KIAA1549L: variants seen among roughly 807,000 people sequenced by gnomAD.
KIAA1549L encodes the protein KIAA1549 like.
A neutral mutation model predicts 160.7 loss-of-function variants in KIAA1549L; 88 were observed. That is an observed-to-expected ratio of 0.55 (90% CI 0.46 to 0.65). The LOEUF (loss-of-function observed/expected upper bound fraction) is 0.65. Among genes scored for constraint, KIAA1549L ranks in the 30% least tolerant of loss-of-function variants. The probability of loss-of-function intolerance (pLI) is 0.00; values close to 1 mark genes in which losing one functional copy is unlikely to be tolerated. For missense variants in KIAA1549L, 2,258 were observed against 2,437.5 expected (o/e 0.93, Z 1.55); for synonymous variants, 950 against 976.7 (o/e 0.97, Z 0.51).
chr11:33,436,727 C>A (rs1168540547), intron 1 of KIAA1549L, among the ~76,000 whole-genome samples: 1 of 152,160 alleles, frequency 6.6e-6, no homozygotes, highest in African/African-American at 2.4e-5. Flanking sequence ...GAGGCTGAAC[C>A]CAAGCAAGCG....
At chr11:33,541,498 C>T (rs919904000) in intron 1 of KIAA1549L, among the ~76,000 whole-genome samples, 1 of 152,198 alleles carries the variant, frequency 6.6e-6, no homozygotes, top group African/African-American at 2.4e-5. Flanking sequence ...TTCAGCTTTG[C>T]AAGTTTCACA....
intron 1 of KIAA1549L, among the ~76,000 whole-genome samples, chr11:33,536,792 A>T (rs1056612682): frequency 6.6e-6 from 1 of 152,242 alleles, no homozygotes; most frequent in Non-Finnish European, 1.5e-5. Context: ...TCCATCTCCC[A>T]TGCAGGGCTC....
intron 1 of KIAA1549L, among the ~76,000 whole-genome samples, chr11:33,538,107 C>T (rs960232838): frequency 1.1e-4 from 17 of 152,204 alleles, no homozygotes; most frequent in African/African-American, 3.4e-4. Flanking sequence ...AAGGCACCTT[C>T]TTCACAAGGT....
At position 33,660,962 on chromosome 11, in the gene KIAA1549L, C is replaced by T. The variant is rs1266793924; in HGVS notation, c.6107C>T (p.Ala2036Val). 5.6e-6 allele frequency: 9 copies of T among 1,612,582 alleles called. No individual in the cohort carries two copies. The South Asian group carries it at 8.8e-5, about 16-fold the overall frequency. The change falls in exon 20 of 21, where the codon GCC (alanine) becomes GTC (valine). Residue 2036 changes from alanine (A) to valine (V), a missense_variant. Physicochemically the swap from Ala to Val is moderately conservative, Grantham distance 64 (BLOSUM62 0). Transcript: ENST00000658780. The stretch of plus-strand genomic sequence containing the variant: ...CCTCCCTCATCCTATAGGAACCAGG[C>T]CTGGATGTCCTATGCAGGAGAGAAT... ...PTPPSSYRNQ[A>V]WMSYAGENEL...
chr11:33,562,358 G>T (rs1854891078), intron 8 of KIAA1549L, among the ~76,000 whole-genome samples: 1 of 152,212 alleles, frequency 6.6e-6, no homozygotes, highest in African/African-American at 2.4e-5. Flanking sequence ...AAAGTGGCCA[G>T]CCTAGCCAGG....
chr11:33,409,357 CAAT>C (rs1038411819), intron 1 of KIAA1549L, among the ~76,000 whole-genome samples: 3 of 152,116 alleles, frequency 2.0e-5, no homozygotes, highest in African/African-American at 7.2e-5. Flanking sequence ...TTCTAGAAAA[CAAT>C]AACAGATGAC....
intron 1 of KIAA1549L, among the ~76,000 whole-genome samples, chr11:33,515,583 C>G (rs567173075): frequency 1.3e-5 from 2 of 152,212 alleles, no homozygotes; most frequent in African/African-American, 4.8e-5. Flanking sequence ...AGCAGGAAAT[C>G]GTCAGCAAGG....
At chr11:33,551,945 G>A (rs1373672727) in intron 5 of KIAA1549L, among the ~76,000 whole-genome samples, 163 bp from the exon 6 acceptor site, 2 of 152,130 alleles carry the variant, frequency 1.3e-5, no homozygotes, top group Non-Finnish European at 2.9e-5. Flanking sequence ...ATTCATCTTA[G>A]GAGCCACTTT....
Position 33,618,591 on chromosome 11 carries a change from G to C in KIAA1549L, c.5338G>C (p.Gly1780Arg). The change falls in exon 16 of 21, where the codon GGG becomes CGG. Residue 1780 changes from glycine to arginine, a missense_variant. By Grantham distance (125) the Gly-to-Arg change is moderately radical (BLOSUM62 -2). This residue lies in a region of KIAA1549L where 1,359 missense variants were observed against 1,546.6 expected (regional missense o/e 0.88). Transcript: ENST00000658780. ...GCAGTCTCTGAACAGCCCGAGTCCAGGGGAAACCGAGATGGACCTTCTGGT... is the reference window on the plus strand; with the variant it reads ...GCAGTCTCTGAACAGCCCGAGTCCACGGGAAACCGAGATGGACCTTCTGGT... Reference protein sequence around the residue: ...SRQSLNSPSPGETEMDLLVTR... With the variant: ...SRQSLNSPSPRETEMDLLVTR... 6.2e-7 allele frequency: 1 copy of C among 1,610,854 alleles called. No homozygotes were observed. The highest frequency in any genetic ancestry group is 8.5e-7 in the Non-Finnish European group (1 of 1,178,174).
chr11:33,628,769 CATTTAGTCCATTT>C (rs906188804), intron 16 of KIAA1549L, among the ~76,000 whole-genome samples: 1 of 151,384 alleles, frequency 6.6e-6, no homozygotes, highest in Non-Finnish European at 1.5e-5. Context: ...TTAATTGGAG[CATTTAGTCCATTT>C]ACACTTAAAG....
At chr11:33,399,585 G>A (rs981916491) in intron 1 of KIAA1549L, among the ~76,000 whole-genome samples, 6 of 152,164 alleles carry the variant, frequency 3.9e-5, no homozygotes, top group African/African-American at 1.4e-4. Flanking sequence ...CTCCCATGGT[G>A]GAATGTCATC....
chr11:33,517,744 A>G (rs903695234), intron 1 of KIAA1549L, among the ~76,000 whole-genome samples: 2 of 152,210 alleles, frequency 1.3e-5, no homozygotes, highest in African/African-American at 4.8e-5. Flanking sequence ...ATGAATGTGT[A>G]TCACCACAGT....
chr11:33,622,147 T>C (rs771944116), intron 16 of KIAA1549L, among the ~76,000 whole-genome samples: 16 of 152,188 alleles, frequency 1.1e-4, no homozygotes, highest in Non-Finnish European at 2.4e-4. Flanking sequence ...TCCAGAGGGC[T>C]TCTTTGGGGA....
At chr11:33,381,878 C>T (rs867494567) in intron 1 of KIAA1549L, among the ~76,000 whole-genome samples, 14 of 152,260 alleles carry the variant, frequency 9.2e-5, no homozygotes, top group Middle Eastern at 3.4e-3. Flanking sequence ...GGAATTGATA[C>T]GGCTCCAAGG....
At position 33,668,357 on chromosome 11, in the gene KIAA1549L, C is replaced by T; in HGVS notation, c.*203C>T. The T allele has an allele frequency of 1.7e-6, 1 of 604,058 alleles. No individual in the cohort carries two copies. The highest frequency in any genetic ancestry group is 2.9e-6 in the Non-Finnish European group (1 of 344,772). The allele number at this position is 604,058 out of a possible 1,614,324, so 37.4% of individuals were successfully genotyped here. A position where few individuals can be genotyped will look rare whatever the true frequency, so the allele number is the denominator to read the frequency against. On this transcript the variant is annotated 3_prime_UTR_variant, in exon 21 of 21. Transcript: ENST00000658780. ...TTGGCTCATCCAACTGATTGTGGGT[C>T]AAGTCCCTGGCTTGGGGCCTTATGT...
intron 1 of KIAA1549L, among the ~76,000 whole-genome samples, chr11:33,496,474 A>G (rs539058878): frequency 6.6e-6 from 1 of 152,226 alleles, no homozygotes; most frequent in Non-Finnish European, 1.5e-5. Flanking sequence ...CTTGGCTGAA[A>G]TGCCCAGAGC....
chr11:33,425,723 T>C (rs1295457797), intron 1 of KIAA1549L, among the ~76,000 whole-genome samples: 1 of 152,200 alleles, frequency 6.6e-6, no homozygotes, highest in Non-Finnish European at 1.5e-5. Flanking sequence ...GCATCACACG[T>C]CATATGGATG....
chr11:33,546,049 C>T (rs1253440673), intron 3 of KIAA1549L, among the ~76,000 whole-genome samples: 2 of 152,112 alleles, frequency 1.3e-5, no homozygotes, highest in Non-Finnish European at 2.9e-5. Flanking sequence ...GTCTTTTAAG[C>T]CCCCATTCCC....
chr11:33,469,205 T>C (rs893500967), intron 1 of KIAA1549L, among the ~76,000 whole-genome samples: 1 of 152,058 alleles, frequency 6.6e-6, no homozygotes, highest in African/African-American at 2.4e-5. Flanking sequence ...TGCTCCTTCC[T>C]CCCAGTCCTA....
Sources: gnomAD v4.1 joint callset for allele counts (sites outside exome capture counted in the v4.1 genomes callset) on GRCh38, gnomAD v4.1.1 for gene constraint, gnomAD v4.1.1 regional missense constraint, MANE v1.5 for transcripts, NCBI Gene and HGNC (gene_info 2026-07-23, HGNC 2026-07-21) for gene names.